FBLN7: variants seen among roughly 807,000 people sequenced by gnomAD.
FBLN7 encodes the protein fibulin-7.
FBLN7 carries 31 observed loss-of-function variants against 44.0 expected under a neutral mutation model. The observed-to-expected ratio is 0.70, with a 90% CI of 0.53 to 0.95. FBLN7 has a LOEUF of 0.95. Ranked by LOEUF, FBLN7 falls within the 40% of genes least tolerant of loss-of-function variation. The probability of loss-of-function intolerance (pLI) is 0.00; values close to 1 mark genes in which losing one functional copy is unlikely to be tolerated. For missense variants in FBLN7, 573 were observed against 618.5 expected, an observed-to-expected ratio of 0.93 and a Z score of 0.78; for synonymous variants, 262 against 253.4, an observed-to-expected ratio of 1.03 and a Z score of -0.32.
At chr2:112,218,711 C>T in the FBLN7 span, among the ~76,000 whole-genome samples, 2 of 152,060 alleles carry the variant, frequency 1.3e-5, no homozygotes, top group Admixed American at 6.5e-5. Flanking sequence ...ATGTGTTAAT[C>T]GACTGTTTAT....
the FBLN7 span, among the ~76,000 whole-genome samples, chr2:112,196,374 C>CTTTTTTTTTTTTTTTTTTTTTTT: frequency 1.6e-5 from 1 of 63,258 alleles, no homozygotes; most frequent in Non-Finnish European, 2.8e-5. Context: ...TCTTCTTCTT[C>CTTTTTTTTTTTTTTTTTTTTTTT]TTTTTTTTTT....
Position 112,167,869 on chromosome 2 carries a change from CGTTATGTTAT to C in FBLN7, c.406+2742_406+2751del, listed in dbSNP as rs137969881. On this transcript the variant is annotated intron_variant, in intron 3 of 7. Coordinates refer to ENST00000331203, the MANE Select transcript of FBLN7 (RefSeq NM_153214.3). ...GTGTCATCTCTGTCCAGGAAAGACA[CGTTATGTTAT>C]GTTATGTTATGTTATGTTATGTTAT... 1.0e-3 allele frequency among the ~76,000 whole-genome samples: 136 copies of C among 132,928 alleles called. No homozygotes were observed. The East Asian group carries it at 0.012, about 12-fold the overall frequency. 87.2% of individuals were successfully genotyped at this position (132,928 alleles called of 152,430 possible). A position where few individuals can be genotyped will look rare whatever the true frequency, so the allele number is the denominator to read the frequency against.
chr2:112,231,087 A>G, the FBLN7 span: 1 of 514,722 alleles, frequency 1.9e-6, no homozygotes, highest in African/African-American at 2.0e-5. Flanking sequence ...CTACTACTAC[A>G]GGAACTGAAA....
At position 112,185,192 on chromosome 2, in the gene FBLN7, G is replaced by A. The variant is rs1346081908; in HGVS notation, c.809-9G>A. 6 of 1,612,056 alleles carry A rather than the reference G, an allele frequency of 3.7e-6. No homozygotes were observed. The highest frequency in any genetic ancestry group is 1.7e-4 in the Middle Eastern group (1 of 6,038). On this transcript the variant is annotated splice_polypyrimidine_tract_variant and intron_variant, in intron 6 of 7. Coordinates refer to ENST00000331203, the MANE Select transcript of FBLN7 (RefSeq NM_153214.3). ...GCGATTCTCACCTGTTGTATGTCCT[G>A]TATCTCAGATGTGGATGAATGTGTG...
chr2:112,199,513 C>G, the FBLN7 span, among the ~76,000 whole-genome samples: 1 of 152,152 alleles, frequency 6.6e-6, no homozygotes, highest in Non-Finnish European at 1.5e-5. Flanking sequence ...ACTCACACAG[C>G]CAGACAAGAG....
the FBLN7 span, chr2:112,231,973 C>A: frequency 7.8e-7 from 1 of 1,284,364 alleles, no homozygotes; most frequent in Non-Finnish European, 1.1e-6. Context: ...AGGAAGAGAA[C>A]AATTTTAATC....
downstream of FBLN7, among the ~76,000 whole-genome samples, chr2:112,191,012 G>A (rs766475803): frequency 2.0e-5 from 3 of 152,120 alleles, no homozygotes; most frequent in Non-Finnish European, 4.4e-5. Flanking sequence ...GGGTCTCTCT[G>A]TGTCACTCAG....
the FBLN7 span, chr2:112,236,434 T>C: frequency 1.6e-6 from 2 of 1,275,902 alleles, no homozygotes; most frequent in South Asian, 3.1e-5. Flanking sequence ...GACATCTTCA[T>C]CCGAAAACCG....
At chr2:112,222,141 C>T in the FBLN7 span, among the ~76,000 whole-genome samples, 10 of 152,088 alleles carry the variant, frequency 6.6e-5, no homozygotes, top group Non-Finnish European at 1.2e-4. Flanking sequence ...GAGGAGCCCT[C>T]TCTGATTACT....
the FBLN7 span, among the ~76,000 whole-genome samples, chr2:112,217,535 TTC>T: frequency 1.3e-5 from 2 of 152,260 alleles, no homozygotes; most frequent in Admixed American, 1.3e-4. Flanking sequence ...GCATGTATAA[TTC>T]TGTCATATTG....
intron 1 of FBLN7, among the ~76,000 whole-genome samples, chr2:112,143,037 T>A (rs1419026139): frequency 3.3e-5 from 5 of 152,172 alleles, no homozygotes; most frequent in African/African-American, 1.2e-4. Context: ...GCAGTGGTCC[T>A]GCGGGGATGG....
rs761283819 is a variant in FBLN7, at chr2:112,185,179, T to G, written c.809-22T>G. 57 of 1,603,968 alleles carry G rather than the reference T, an allele frequency of 3.6e-5. No individual in the cohort carries two copies. The South Asian group carries it at 5.2e-4, about 15-fold the overall frequency. Reference sequence around the variant, plus strand: ...AGGGAAGGTCAGGGCGATTCTCACCTGTTGTATGTCCTGTATCTCAGATGT... The same window carrying G: ...AGGGAAGGTCAGGGCGATTCTCACCGGTTGTATGTCCTGTATCTCAGATGT... On this transcript the variant is annotated intron_variant, in intron 6 of 7. Transcript: ENST00000331203.
At chr2:112,160,808 A>G (rs537601400) in intron 2 of FBLN7, among the ~76,000 whole-genome samples, 94 of 147,908 alleles carry the variant, frequency 6.4e-4, no homozygotes, top group African/African-American at 2.0e-3. Context: ...ACGCACGCAC[A>G]CACACGCACA....
At chr2:112,234,261 T>A in the FBLN7 span, 3 of 1,470,320 alleles carry the variant, frequency 2.0e-6, no homozygotes, top group South Asian at 1.3e-5. Flanking sequence ...ACAAAAAAAC[T>A]AAATGTAAGA....
At chr2:112,223,999 C>T in the FBLN7 span, among the ~76,000 whole-genome samples, 3 of 151,954 alleles carry the variant, frequency 2.0e-5, no homozygotes, top group Admixed American at 2.0e-4. Context: ...AAAAATTAGC[C>T]AGGGTGGTAG....
At chr2:112,171,574 GTAAC>G (rs962090377) in intron 3 of FBLN7, among the ~76,000 whole-genome samples, 35 of 151,982 alleles carry the variant, frequency 2.3e-4, no homozygotes, top group African/African-American at 7.2e-4. Flanking sequence ...TAGTTACTGA[GTAAC>G]TGACTGGCTG....
intron 4 of FBLN7, among the ~76,000 whole-genome samples, chr2:112,178,186 A>C (rs1349567312): frequency 6.6e-6 from 1 of 151,860 alleles, no homozygotes; most frequent in African/African-American, 2.4e-5. Context: ...AGAAAGAGAG[A>C]GAGAGAAAGA....
At chr2:112,226,612 G>T in the FBLN7 span, among the ~76,000 whole-genome samples, 1 of 69,988 alleles carries the variant, frequency 1.4e-5, no homozygotes, top group Non-Finnish European at 3.1e-5. Context: ...AAAAGCTCAG[G>T]CCCAGTTGTC....
Position 112,159,737 on chromosome 2 carries a change from G to C in FBLN7, c.137G>C (p.Gly46Ala). The change falls in exon 2 of 8, where the codon GGC becomes GCC. Residue 46 changes from glycine to alanine, a missense_variant. Physicochemically the swap from Gly to Ala is moderately conservative, Grantham distance 60. Transcript: ENST00000331203. ...CGCCAGCTGCAGCAGCTGCTGAAGG[G>C]CCAGGAGACACGCTTCGCCGAGGGC... ...AIRQLQQLLKGQETRFAEGIR... is the reference protein window; with the variant it reads ...AIRQLQQLLKAQETRFAEGIR... The C allele has an allele frequency of 6.2e-7, 1 of 1,601,826 alleles. No individual in the cohort carries two copies. Among genetic ancestry groups the C allele is most frequent in the Non-Finnish European group, 8.5e-7 (1 of 1,174,346 alleles).
Sources: gnomAD v4.1 joint callset for allele counts (sites outside exome capture counted in the v4.1 genomes callset) on GRCh38, gnomAD v4.1.1 for gene constraint, MANE v1.5 for transcripts, NCBI Gene and HGNC (gene_info 2026-07-23, HGNC 2026-07-21) for gene names.